The following PITPNC1 variants were observed in gnomAD, a reference collection of about 807,000 sequenced individuals.
The protein encoded by PITPNC1 is phosphatidylinositol transfer protein cytoplasmic 1, also known as cytoplasmic phosphatidylinositol transfer protein 1.
In PITPNC1, 18 loss-of-function variants were observed where a neutral mutation model predicts 44.7. That is an observed-to-expected ratio of 0.40 (90% CI 0.28 to 0.60). The LOEUF (loss-of-function observed/expected upper bound fraction) is 0.60, where lower values mean the gene tolerates loss of function less well. Among genes scored for constraint, PITPNC1 ranks in the 20% least tolerant of loss-of-function variants. The pLI is 0.39. For synonymous variants in PITPNC1, 141 were observed against 149.6 expected (o/e 0.94, Z 0.42); for missense variants, 290 against 418.4 (o/e 0.69, Z 2.68).
Position 67,378,200 on chromosome 17 carries a change from G to A in PITPNC1, c.46G>A (p.Glu16Lys). 1.3e-6 allele frequency: 2 copies of A among 1,538,602 alleles called. No individual in the cohort carries two copies. The highest frequency in any genetic ancestry group is 1.7e-6 in the Non-Finnish European group (2 of 1,146,422). Reference protein sequence around the residue: ...YRICMPLTVDEYKIGQLYMIS... With the variant: ...YRICMPLTVDKYKIGQLYMIS... ...GATCTGCATGCCGCTCACCGTAGAC[G>A]AGGTAAGCGCCGCGCCCGGCCCGGC... The change falls in exon 1 of 9, where the codon GAG becomes AAG. Residue 16 changes from glutamate to lysine, a missense_variant and splice_region_variant. Glu to Lys is a moderately conservative substitution (Grantham distance 56). Coordinates refer to ENST00000581322, the MANE Select transcript of PITPNC1 (RefSeq NM_012417.4).
intron 1 of PITPNC1, among the ~76,000 whole-genome samples, chr17:67,384,727 G>A (rs1019705290): frequency 1.3e-5 from 2 of 152,174 alleles, no homozygotes; most frequent in African/African-American, 4.8e-5. Flanking sequence ...GCCGGGCCTT[G>A]TTCTCAGTTT....
At chr17:67,408,385 C>T (rs1279848624) in intron 1 of PITPNC1, among the ~76,000 whole-genome samples, 1 of 150,274 alleles carries the variant, frequency 6.7e-6, no homozygotes, top group Non-Finnish European at 1.5e-5. Context: ...CAAAAATTAG[C>T]CAGGTGTGGT....
At chr17:67,507,731 G>T (rs1176377182) in intron 1 of PITPNC1, among the ~76,000 whole-genome samples, 1 of 150,698 alleles carries the variant, frequency 6.6e-6, no homozygotes. Flanking sequence ...GTTATTGAAG[G>T]CTGGGAGACC....
intron 1 of PITPNC1, among the ~76,000 whole-genome samples, chr17:67,425,670 C>A (rs1332722033): frequency 6.6e-6 from 1 of 150,400 alleles, no homozygotes; most frequent in Non-Finnish European, 1.5e-5. Flanking sequence ...CAGAGGCACA[C>A]ACCACCACGC....
At chr17:67,544,930 A>G (rs764439140) in intron 2 of PITPNC1, among the ~76,000 whole-genome samples, 30 of 152,200 alleles carry the variant, frequency 2.0e-4, no homozygotes, top group Non-Finnish European at 3.5e-4. Context: ...CTCTGACCAA[A>G]TAGCTCATTT....
Position 67,444,851 on chromosome 17 carries a change from C to T in PITPNC1, c.48+66649C>T, listed in dbSNP as rs534217473. ...GGCGGAGGTTGCAGTGAGCCAAGAT[C>T]GCACCACTGCACTCCAGCCTGGGCG... is the stretch of plus-strand genomic sequence containing the variant. On this transcript the variant is annotated intron_variant, in intron 1 of 8. Coordinates refer to ENST00000581322, the MANE Select transcript of PITPNC1 (RefSeq NM_012417.4). 6.6e-5 allele frequency among the ~76,000 whole-genome samples: 10 copies of T among 152,008 alleles called. No homozygotes were observed. The South Asian group carries it at 1.9e-3, about 28-fold the overall frequency.
intron 1 of PITPNC1, among the ~76,000 whole-genome samples, chr17:67,387,375 T>TA (rs1567970968): frequency 6.6e-6 from 1 of 152,180 alleles, no homozygotes; most frequent in African/African-American, 2.4e-5. Flanking sequence ...TTTCCTCATC[T>TA]AAATCTCTGG....
chr17:67,473,316 G>T (rs1431280825), intron 1 of PITPNC1, among the ~76,000 whole-genome samples: 1 of 151,670 alleles, frequency 6.6e-6, no homozygotes, highest in Non-Finnish European at 1.5e-5. Context: ...TTATAGGCGT[G>T]AGCCACTTTA....
rs151285922 is a variant in PITPNC1 at position 67,669,104 on chromosome 17, ATGTT to A, written c.463-390_463-387del. On this transcript the variant is annotated intron_variant, in intron 6 of 8. Coordinates refer to ENST00000581322, the MANE Select transcript of PITPNC1 (RefSeq NM_012417.4). ...AACTACTAATCTACTTTCTGTCTCTATGTTTGTTTGTTTGTTTTTGAGATGGAGT... is the reference window on the plus strand; with the variant it reads ...AACTACTAATCTACTTTCTGTCTCTATGTTTGTTTGTTTTTGAGATGGAGT... Among the ~76,000 whole-genome samples, 53 of 151,890 alleles carry A rather than the reference ATGTT, an allele frequency of 3.5e-4. No homozygotes were observed. In the Middle Eastern group the frequency reaches 0.01, roughly 29 times the overall value.
intron 1 of PITPNC1, among the ~76,000 whole-genome samples, chr17:67,395,073 T>C (rs940636301): frequency 1.3e-5 from 2 of 152,174 alleles, no homozygotes; most frequent in Non-Finnish European, 2.9e-5. Flanking sequence ...AACGCTCTTA[T>C]TAAACTGGTA....
At chr17:67,586,160 C>T (rs74586538) in intron 5 of PITPNC1, among the ~76,000 whole-genome samples, 2,522 of 152,158 alleles carry the variant, frequency 0.017, 34 homozygotes, top group South Asian at 0.046. Flanking sequence ...AGCTAGATCA[C>T]GCAAGAGCTA....
At chr17:67,679,522 C>T (rs963990971) in intron 8 of PITPNC1, among the ~76,000 whole-genome samples, 3 of 152,208 alleles carry the variant, frequency 2.0e-5, no homozygotes, top group Non-Finnish European at 2.9e-5. Flanking sequence ...TAATTAGACA[C>T]ACCACCTCCA....
intron 7 of PITPNC1, among the ~76,000 whole-genome samples, chr17:67,674,062 T>G (rs773515758): frequency 2.0e-5 from 3 of 152,026 alleles, no homozygotes; most frequent in Non-Finnish European, 4.4e-5. Flanking sequence ...GTGTAAACAT[T>G]TAGGGGGTAC....
chr17:67,692,508 G>A, intron 8 of PITPNC1, 64 bp from the exon 9 acceptor site: 1 of 1,149,628 alleles, frequency 8.7e-7, no homozygotes, highest in Non-Finnish European at 1.3e-6. Flanking sequence ...CAAGGGTAGT[G>A]ATGAATCTAT....
chr17:67,590,371 G>A (rs758582194), intron 5 of PITPNC1, among the ~76,000 whole-genome samples: 2 of 152,164 alleles, frequency 1.3e-5, no homozygotes, highest in Admixed American at 6.5e-5. Flanking sequence ...AAGACAATAA[G>A]AATTGTAAAC....
chr17:67,472,508 G>A lies in PITPNC1; in HGVS notation c.49-60294G>A, dbSNP rs1278177566. 9.9e-5 allele frequency among the ~76,000 whole-genome samples: 15 copies of A among 151,654 alleles called. No homozygotes were observed. The South Asian group carries it at 1.0e-3, about 11-fold the overall frequency. On this transcript the variant is annotated intron_variant, in intron 1 of 8. Transcript: ENST00000581322. ...TAAAAATAGAAAAAATTAGCCGGGCGTGGTGGTGGGCGCCTGTAGTCCCAG... is the reference window on the plus strand; with the variant it reads ...TAAAAATAGAAAAAATTAGCCGGGCATGGTGGTGGGCGCCTGTAGTCCCAG...
chr17:67,692,999 C>T lies in PITPNC1; in HGVS notation c.*111C>T, dbSNP rs2042957554. 1 of 708,324 alleles carries T rather than the reference C, an allele frequency of 1.4e-6. No homozygotes were observed. Among genetic ancestry groups the T allele is most frequent in the Non-Finnish European group, 2.4e-6 (1 of 419,276 alleles). The allele number at this position is 708,324 out of a possible 1,614,324, so 43.9% of individuals were successfully genotyped here. Reference sequence around the variant, plus strand: ...GCTTTGTCACTCAAACATGTTCCTTCGACCTTTCAGTGTGCATGTGACTCA... The same window carrying T: ...GCTTTGTCACTCAAACATGTTCCTTTGACCTTTCAGTGTGCATGTGACTCA... On this transcript the variant is annotated 3_prime_UTR_variant, in exon 9 of 9. Transcript: ENST00000581322.
chr17:67,387,014 C>T (rs778572417), intron 1 of PITPNC1, among the ~76,000 whole-genome samples: 1 of 152,146 alleles, frequency 6.6e-6, no homozygotes. Flanking sequence ...TTAAAACGGA[C>T]AAACCAATCG....
At chr17:67,537,342 TGA>T (rs770186009) in intron 2 of PITPNC1, among the ~76,000 whole-genome samples, 3 of 152,192 alleles carry the variant, frequency 2.0e-5, no homozygotes, top group Admixed American at 6.5e-5. Flanking sequence ...AACATCAATA[TGA>T]GAATTCAGCA....
Sources: gnomAD v4.1 joint callset for allele counts (sites outside exome capture counted in the v4.1 genomes callset) on GRCh38, gnomAD v4.1.1 for gene constraint, MANE v1.5 for transcripts, NCBI Gene and HGNC (gene_info 2026-07-23, HGNC 2026-07-21) for gene names.